THEMIS: variants seen among roughly 807,000 people sequenced by gnomAD.
THEMIS encodes the protein thymocyte selection associated, also known as protein THEMIS.
In THEMIS, 37 loss-of-function variants were observed where a neutral mutation model predicts 52.6. That is an observed-to-expected ratio of 0.70 (90% CI 0.54 to 0.93). The LOEUF is 0.93. Ranked by LOEUF, THEMIS falls within the 40% of genes least tolerant of loss-of-function variation. The probability of loss-of-function intolerance (pLI) is 0.00; values close to 1 mark genes in which losing one functional copy is unlikely to be tolerated. For synonymous variants in THEMIS, 292 were observed against 272.7 expected, an observed-to-expected ratio of 1.07 and a Z score of -0.70; for missense variants, 808 against 763.1, an observed-to-expected ratio of 1.06 and a Z score of -0.69.
At chr6:127,743,577 T>C (rs1562228638) in intron 4 of THEMIS, among the ~76,000 whole-genome samples, 1 of 151,926 alleles carries the variant, frequency 6.6e-6, no homozygotes, top group Non-Finnish European at 1.5e-5. Flanking sequence ...TTAAGAAAAA[T>C]GTACAAGTGG....
At chr6:127,879,154 T>C (rs188250182) in intron 1 of THEMIS, among the ~76,000 whole-genome samples, 47 of 152,346 alleles carry the variant, frequency 3.1e-4, no homozygotes, top group African/African-American at 1.1e-3. Flanking sequence ...TTCTCTGAGG[T>C]ATATTACATG....
intron 4 of THEMIS, among the ~76,000 whole-genome samples, chr6:127,773,018 A>G (rs1776439117): frequency 6.6e-6 from 1 of 152,186 alleles, no homozygotes; most frequent in Non-Finnish European, 1.5e-5. Flanking sequence ...GTCTGTACGC[A>G]TGTAAAGATA....
intron 4 of THEMIS, among the ~76,000 whole-genome samples, chr6:127,736,280 C>T (rs1775001953): frequency 6.6e-6 from 1 of 151,912 alleles, no homozygotes; most frequent in Non-Finnish European, 1.5e-5. Context: ...CAAATTTATA[C>T]TGAGAAAATA....
In THEMIS at chr6:127,729,076, C is replaced by A. The variant is rs531335092; in HGVS notation, c.1759-9253G>T. Among the ~76,000 whole-genome samples, 4 of 151,772 alleles carry A rather than the reference C, an allele frequency of 2.6e-5. No homozygotes were observed. The East Asian group carries it at 7.8e-4, about 30-fold the overall frequency. ...GGCTTTAAAACCTGCATATTAACAACTTTCTCACTGTGGCTATCAGATATC... is the reference window on the plus strand; with the variant it reads ...GGCTTTAAAACCTGCATATTAACAAATTTCTCACTGTGGCTATCAGATATC... On this transcript the variant is annotated intron_variant, in intron 4 of 5. Coordinates refer to ENST00000368248, the MANE Select transcript of THEMIS (RefSeq NM_001010923.3).
chr6:127,816,793 C>A lies in THEMIS; in HGVS notation c.710-2862G>T, dbSNP rs1375611106. 3.3e-5 allele frequency among the ~76,000 whole-genome samples: 5 copies of A among 152,226 alleles called. No homozygotes were observed. The East Asian group carries it at 7.7e-4, about 24-fold the overall frequency. On this transcript the variant is annotated intron_variant, in intron 3 of 5. Coordinates refer to ENST00000368248, the MANE Select transcript of THEMIS (RefSeq NM_001010923.3). ...TATAAAAGCCAAAGTCCTTACCTGGCCCCTGGCACCACCTGGGTCTCATCT... is the reference window on the plus strand; with the variant it reads ...TATAAAAGCCAAAGTCCTTACCTGGACCCTGGCACCACCTGGGTCTCATCT...
Position 127,829,916 on chromosome 6 carries a change from G to T in THEMIS, c.269C>A (p.Ala90Asp). The change falls in exon 3 of 6, where the codon GCT becomes GAT. Residue 90 changes from alanine (A) to aspartate (D), a missense_variant. Coordinates refer to ENST00000368248, the MANE Select transcript of THEMIS (RefSeq NM_001010923.3). ...CATAGTAAGGTATGGAGTTTTATCA[G>T]CCACAATCTTAAAAAGACCTAAGAA... ...MNFPGLFKIV[A>D]DKTPYLTMEE... 6.2e-7 allele frequency: 1 copy of T among 1,609,928 alleles called. No individual in the cohort carries two copies. The highest frequency in any genetic ancestry group is 8.5e-7 in the Non-Finnish European group (1 of 1,178,138).
chr6:127,719,643 C>T, intron 5 of THEMIS, 45 bp downstream of exon 5: 1 of 1,543,148 alleles, frequency 6.5e-7, no homozygotes, highest in Non-Finnish European at 8.7e-7. Flanking sequence ...GTCATGTGGA[C>T]AGTTAAACCA....
chr6:127,762,643 T>C (rs1776062091), intron 4 of THEMIS, among the ~76,000 whole-genome samples: 1 of 152,074 alleles, frequency 6.6e-6, no homozygotes, highest in South Asian at 2.1e-4. Context: ...GACATGATTG[T>C]CTTGCTCACT....
At chr6:127,819,465 C>CA (rs1187164920) in intron 3 of THEMIS, among the ~76,000 whole-genome samples, 20 of 151,656 alleles carry the variant, frequency 1.3e-4, no homozygotes, top group East Asian at 7.7e-4. Context: ...GGATAAATAC[C>CA]AAAAAAAATC....
At chr6:127,777,654 G>A (rs982858531) in intron 4 of THEMIS, among the ~76,000 whole-genome samples, 1 of 152,144 alleles carries the variant, frequency 6.6e-6, no homozygotes, top group East Asian at 1.9e-4. Flanking sequence ...GAGCTGGAAA[G>A]CAAGGGCTGC....
Position 127,709,145 on chromosome 6 carries a change from C to G in THEMIS, c.*840G>C, listed in dbSNP as rs1333395215. ...TCTGATGTATACTAATTAAGAATCA[C>G]TTTGGTTTCTTGTCAGCCAAATTTA... On this transcript the variant is annotated 3_prime_UTR_variant, in exon 6 of 6. Transcript: ENST00000368248. 1 of 151,954 alleles carries G rather than the reference C, an allele frequency of 6.6e-6. No homozygotes were observed. Among genetic ancestry groups the G allele is most frequent in the Non-Finnish European group, 1.5e-5 (1 of 67,958 alleles). The allele number at this position is 151,954 out of a possible 1,614,324, so 9.4% of individuals were successfully genotyped here.
At chr6:127,744,979 A>G (rs1373338104) in intron 4 of THEMIS, among the ~76,000 whole-genome samples, 3 of 151,990 alleles carry the variant, frequency 2.0e-5, no homozygotes, top group Admixed American at 2.0e-4. Flanking sequence ...TTCAAATGGT[A>G]TACCTTAAAT....
intron 4 of THEMIS, among the ~76,000 whole-genome samples, chr6:127,759,266 T>C (rs543151608): frequency 2.6e-5 from 4 of 152,270 alleles, no homozygotes; most frequent in African/African-American, 9.6e-5. Flanking sequence ...AATTAATCAA[T>C]GAATAACACT....
At chr6:127,845,482 C>A (rs940886383) in intron 2 of THEMIS, among the ~76,000 whole-genome samples, 5 of 151,878 alleles carry the variant, frequency 3.3e-5, no homozygotes, top group African/African-American at 1.2e-4. Context: ...CCCCGACACT[C>A]AGGTCCACAG....
Position 127,785,039 on chromosome 6 carries a change from TCTAC to T in THEMIS, c.1758+27840_1758+27843del, listed in dbSNP as rs201464427. Reference sequence around the variant, plus strand: ...CTATCTATCTACCTATCAATATCTTTCTACCTACCTACCTACCTACTTATCTATC... The same window carrying T: ...CTATCTATCTACCTATCAATATCTTTCTACCTACCTACCTACTTATCTATC... On this transcript the variant is annotated intron_variant, in intron 4 of 5. Transcript: ENST00000368248. 1.3e-3 allele frequency among the ~76,000 whole-genome samples: 203 copies of T among 151,828 alleles called. 1 individual carries two copies. The highest frequency in any genetic ancestry group is 4.2e-3 in the African/African-American group (175 of 41,402).
chr6:127,803,123 A>G (rs1777590184), intron 4 of THEMIS, among the ~76,000 whole-genome samples: 1 of 152,088 alleles, frequency 6.6e-6, no homozygotes. Flanking sequence ...CCTCTCTCTT[A>G]TATTATTGTT....
chr6:127,739,690 A>T (rs1300204708), intron 4 of THEMIS, among the ~76,000 whole-genome samples: 5 of 152,170 alleles, frequency 3.3e-5, no homozygotes, highest in South Asian at 2.1e-4. Flanking sequence ...GCTGCCTTTG[A>T]GGGCTCAGAA....
intron 4 of THEMIS, among the ~76,000 whole-genome samples, chr6:127,781,860 G>A (rs985078937): frequency 4.6e-5 from 7 of 152,182 alleles, no homozygotes; most frequent in Admixed American, 1.3e-4. Flanking sequence ...TCCCAGTCAG[G>A]TGCCACTGGG....
the THEMIS span, among the ~76,000 whole-genome samples, chr6:127,698,502 T>C: frequency 6.6e-4 from 100 of 152,174 alleles, no homozygotes; most frequent in African/African-American, 2.3e-3. Flanking sequence ...TTGTAGTATA[T>C]TACACAAGTC....
Sources: allele counts gnomAD v4.1 joint callset (sites outside exome capture counted in the v4.1 genomes callset), GRCh38; gene constraint gnomAD v4.1.1; transcripts MANE v1.5; gene names NCBI Gene and HGNC (gene_info 2026-07-23, HGNC 2026-07-21).